ALCAM: variants seen among roughly 807,000 people sequenced by gnomAD.
ALCAM encodes CD166 antigen.
ALCAM carries 30 observed loss-of-function variants against 70.9 expected under a neutral mutation model. That is an observed-to-expected ratio of 0.42 (90% CI 0.32 to 0.57). The LOEUF (loss-of-function observed/expected upper bound fraction) is 0.57, where lower values mean the gene tolerates loss of function less well. Among genes scored for constraint, ALCAM ranks in the 20% least tolerant of loss-of-function variants. The pLI is 0.11. For synonymous variants in ALCAM, 249 were observed against 242.5 expected, an observed-to-expected ratio of 1.03 and a Z score of -0.25; for missense variants, 591 against 695.1, an observed-to-expected ratio of 0.85 and a Z score of 1.68.
intron 1 of ALCAM, among the ~76,000 whole-genome samples, chr3:105,460,953 A>G (rs181211933): frequency 6.7e-6 from 1 of 149,638 alleles, no homozygotes; most frequent in East Asian, 2.0e-4. Context: ...TAAGAGATAT[A>G]TAGATAGAAG....
chr3:105,368,689 G>A (rs918959994), intron 1 of ALCAM, among the ~76,000 whole-genome samples: 2 of 152,106 alleles, frequency 1.3e-5, no homozygotes, highest in South Asian at 4.1e-4. Flanking sequence ...GCGGGGAGAG[G>A]GGTTTGGGGG....
chr3:105,572,328 G>T (rs1240349994), intron 15 of ALCAM, among the ~76,000 whole-genome samples: 1 of 151,880 alleles, frequency 6.6e-6, no homozygotes, highest in East Asian at 1.9e-4. Context: ...GTGAAAACAT[G>T]CAATGTTGAG....
chr3:105,474,411 G>A (rs1375938267), intron 1 of ALCAM, among the ~76,000 whole-genome samples: 1 of 151,668 alleles, frequency 6.6e-6, no homozygotes, highest in African/African-American at 2.4e-5. Flanking sequence ...AATTTTATGA[G>A]AATATATTTT....
At chr3:105,434,224 A>C (rs1477055508) in intron 1 of ALCAM, among the ~76,000 whole-genome samples, 2 of 152,174 alleles carry the variant, frequency 1.3e-5, no homozygotes, top group East Asian at 3.8e-4. Flanking sequence ...CAAGAACTTC[A>C]AAGCACTCTT....
chr3:105,433,668 A>AT (rs1936986531), intron 1 of ALCAM, among the ~76,000 whole-genome samples: 1 of 150,720 alleles, frequency 6.6e-6, no homozygotes, highest in African/African-American at 2.4e-5. Context: ...AGATCAATGC[A>AT]GTTTTTTTTT....
intron 1 of ALCAM, among the ~76,000 whole-genome samples, chr3:105,369,103 C>T (rs559413273): frequency 1.3e-5 from 2 of 152,248 alleles, no homozygotes; most frequent in East Asian, 1.9e-4. Context: ...AGGGTGATGT[C>T]GGTTTGTAAC....
In ALCAM at chr3:105,549,687, C is replaced by T. The variant is rs372469302; in HGVS notation, c.1375-440C>T. ...TGTACCCATGAGCAAATTATACATA[C>T]ATACATACTTTGATATAATGGTTTA... On this transcript the variant is annotated intron_variant, in intron 11 of 15. Coordinates refer to ENST00000306107, the MANE Select transcript of ALCAM (RefSeq NM_001627.4). Among the ~76,000 whole-genome samples the T allele has an allele frequency of 3.3e-5, 5 of 151,434 alleles. No individual in the cohort carries two copies. The East Asian group carries it at 5.8e-4, about 18-fold the overall frequency.
chr3:105,421,969 G>C (rs1374180010), intron 1 of ALCAM, among the ~76,000 whole-genome samples: 1 of 151,160 alleles, frequency 6.6e-6, no homozygotes, highest in African/African-American at 2.4e-5. Flanking sequence ...CCAATATGTA[G>C]TTTTTTATCC....
chr3:105,433,855 A>G (rs1048648714), intron 1 of ALCAM, among the ~76,000 whole-genome samples: 1 of 151,514 alleles, frequency 6.6e-6, no homozygotes, highest in African/African-American at 2.4e-5. Flanking sequence ...CTGATGAACT[A>G]GTCAGAGGGA....
intron 8 of ALCAM, among the ~76,000 whole-genome samples, chr3:105,543,484 A>G (rs1940172396): frequency 6.6e-6 from 1 of 151,642 alleles, no homozygotes; most frequent in Non-Finnish European, 1.5e-5. Flanking sequence ...ATTTTTACCC[A>G]CTTATCTTTG....
intron 1 of ALCAM, among the ~76,000 whole-genome samples, chr3:105,502,969 T>C (rs1216132566): frequency 6.6e-6 from 1 of 152,234 alleles, no homozygotes; most frequent in East Asian, 1.9e-4. Flanking sequence ...TTACAGAACT[T>C]GTTATTAACA....
intron 1 of ALCAM, among the ~76,000 whole-genome samples, chr3:105,480,351 C>CAATAAATAAATA (rs200096110): frequency 2.5e-4 from 37 of 150,230 alleles, no homozygotes; most frequent in East Asian, 1.8e-3. Context: ...GATGTTGTCT[C>CAATAAATAAATA]AATAAATAAA....
At chr3:105,378,801 G>A (rs1262321419) in intron 1 of ALCAM, among the ~76,000 whole-genome samples, 1 of 151,866 alleles carries the variant, frequency 6.6e-6, no homozygotes, top group Non-Finnish European at 1.5e-5. Context: ...TTATAAAATA[G>A]TAAAAAAGGA....
At chr3:105,491,741 A>T (rs189810171) in intron 1 of ALCAM, among the ~76,000 whole-genome samples, 1 of 152,160 alleles carries the variant, frequency 6.6e-6, no homozygotes, top group Admixed American at 6.5e-5. Context: ...CAAGTTCCTC[A>T]TCTCTATTTG....
At chr3:105,539,954 T>C in intron 6 of ALCAM, 21 bp from the exon 7 acceptor site, 4 of 1,609,334 alleles carry the variant, frequency 2.5e-6, no homozygotes, top group Non-Finnish European at 3.4e-6. Flanking sequence ...AATGGTTAAC[T>C]TGTGTCTGTA....
At chr3:105,374,454 C>T (rs1407966454) in intron 1 of ALCAM, among the ~76,000 whole-genome samples, 2 of 152,024 alleles carry the variant, frequency 1.3e-5, no homozygotes, top group Non-Finnish European at 2.9e-5. Context: ...AGTAAACTTT[C>T]CCATGGTGGA....
chr3:105,496,144 C>A (rs1219419111), intron 1 of ALCAM, among the ~76,000 whole-genome samples: 1 of 152,130 alleles, frequency 6.6e-6, no homozygotes, highest in African/African-American at 2.4e-5. Flanking sequence ...TAACAATACG[C>A]AAGTTCCCCA....
intron 1 of ALCAM, among the ~76,000 whole-genome samples, chr3:105,405,682 A>C (rs750019566): frequency 6.6e-6 from 1 of 152,224 alleles, no homozygotes; most frequent in Non-Finnish European, 1.5e-5. Context: ...AAATTTAAGA[A>C]AACCAAAATT....
intron 1 of ALCAM, among the ~76,000 whole-genome samples, chr3:105,429,208 G>A (rs1161044685): frequency 6.6e-6 from 1 of 151,888 alleles, no homozygotes; most frequent in Non-Finnish European, 1.5e-5. Context: ...TGCCACATCA[G>A]TAGACTCAGA....
Sources: allele counts gnomAD v4.1 joint callset (sites outside exome capture counted in the v4.1 genomes callset), GRCh38; gene constraint gnomAD v4.1.1; transcripts MANE v1.5; gene names NCBI Gene and HGNC (gene_info 2026-07-23, HGNC 2026-07-21).